GRB2: variants seen among roughly 807,000 people sequenced by gnomAD.
GRB2 encodes the protein growth factor receptor-bound protein 2.
A neutral mutation model predicts 27.4 loss-of-function variants in GRB2; 2 were observed. The ratio of observed to expected loss-of-function variants is 0.07; its 90% CI spans 0.03 to 0.23. GRB2 has a LOEUF of 0.23. GRB2 is among the 10% of genes least tolerant of loss of function. The probability of loss-of-function intolerance (pLI) is 1.00; values close to 1 mark genes in which losing one functional copy is unlikely to be tolerated. For missense variants in GRB2, 102 were observed against 282.4 expected, an observed-to-expected ratio of 0.36 and a Z score of 4.58; for synonymous variants, 94 against 99.6, an observed-to-expected ratio of 0.94 and a Z score of 0.33.
chr17:75,341,488 G>C (rs927121825), intron 2 of GRB2, among the ~76,000 whole-genome samples: 36 of 149,650 alleles, frequency 2.4e-4, no homozygotes, highest in African/African-American at 8.9e-4. Context: ...AAAAACAAAG[G>C]GTATTTGTTA....
At chr17:75,372,052 A>T (rs1041889490) in intron 2 of GRB2, 1 of 152,202 alleles carries the variant, frequency 6.6e-6, no homozygotes, top group African/African-American at 2.4e-5. Context: ...AATTCAAAGA[A>T]ATGCTGCCTC....
At chr17:75,365,722 A>G (rs2078814848) in intron 2 of GRB2, among the ~76,000 whole-genome samples, 1 of 152,204 alleles carries the variant, frequency 6.6e-6, no homozygotes, top group Non-Finnish European at 1.5e-5. Flanking sequence ...CCGCCAGTAC[A>G]ATGAGTCATT....
intron 2 of GRB2, among the ~76,000 whole-genome samples, chr17:75,337,153 T>C (rs1277089712): frequency 1.3e-5 from 2 of 152,078 alleles, no homozygotes; most frequent in Non-Finnish European, 1.5e-5. Flanking sequence ...CCTCTAAACC[T>C]CTTCACTCTA....
chr17:75,363,177 C>G (rs1164088437), intron 2 of GRB2, among the ~76,000 whole-genome samples: 1 of 152,154 alleles, frequency 6.6e-6, no homozygotes, highest in East Asian at 1.9e-4. Context: ...CTCCTGGTTT[C>G]TAATTTTAAG....
In GRB2 at chr17:75,321,629, A is replaced by T. The variant is rs1417019153; in HGVS notation, c.468+30T>A. 1.9e-6 allele frequency: 3 copies of T among 1,606,548 alleles called. No homozygotes were observed. The African/African-American group carries it at 4.0e-5, about 21-fold the overall frequency. Reference sequence around the variant, plus strand: ...ACTGAGGAGCTATTCTTAACTAAAAATGATCCCATCTCACCCTGATGAGGC... The same window carrying T: ...ACTGAGGAGCTATTCTTAACTAAAATTGATCCCATCTCACCCTGATGAGGC... On this transcript the variant is annotated intron_variant, in intron 5 of 5. Transcript: ENST00000316804.
chr17:75,350,133 C>T (rs1567863670), intron 2 of GRB2, among the ~76,000 whole-genome samples: 2 of 151,042 alleles, frequency 1.3e-5, no homozygotes, highest in African/African-American at 4.9e-5. Flanking sequence ...GGGAAAGATC[C>T]CTTAAGCCCA....
Position 75,363,859 on chromosome 17 carries a change from C to CAAAAAAAAA in GRB2, c.78+29683_78+29691dup, listed in dbSNP as rs55746272. 8.7e-4 allele frequency among the ~76,000 whole-genome samples: 51 copies of CAAAAAAAAA among 58,528 alleles called. 2 individuals carry two copies. Among genetic ancestry groups the CAAAAAAAAA allele is most frequent in the African/African-American group, 1.4e-3 (20 of 14,608 alleles). The allele number at this position is 58,528 out of a possible 152,430, so 38.4% of individuals were successfully genotyped here. A position where few individuals can be genotyped will look rare whatever the true frequency, so the allele number is the denominator to read the frequency against. On this transcript the variant is annotated intron_variant, in intron 2 of 5. Coordinates refer to ENST00000316804, the MANE Select transcript of GRB2 (RefSeq NM_002086.5). Reference sequence around the variant, plus strand: ...TGGGCGACAGAGCAAGACTCCGTCTCAAAAAAAAAAAAAAAAAAAAAAAAA... The same window carrying CAAAAAAAAA: ...TGGGCGACAGAGCAAGACTCCGTCTCAAAAAAAAAAAAAAAAAAAAAAAAAAAAAAAAAA...
intron 1 of GRB2, 195 bp from the exon 2 acceptor site, chr17:75,393,960 C>A: frequency 2.4e-6 from 1 of 414,126 alleles, no homozygotes; most frequent in Non-Finnish European, 4.4e-6. Context: ...GACTGACAGG[C>A]CTGCCGGCCA....
intron 2 of GRB2, among the ~76,000 whole-genome samples, chr17:75,350,905 G>C (rs1425776612): frequency 6.6e-6 from 1 of 152,186 alleles, no homozygotes; most frequent in Admixed American, 6.6e-5. Flanking sequence ...GCAGAGGAAT[G>C]CGCAGGTGCA....
At chr17:75,345,802 G>C (rs1178364750) in intron 2 of GRB2, among the ~76,000 whole-genome samples, 1 of 151,948 alleles carries the variant, frequency 6.6e-6, no homozygotes, top group Non-Finnish European at 1.5e-5. Flanking sequence ...ACAGGGTCAG[G>C]GAGCAGAAAA....
chr17:75,404,978 C>G (rs1006562421), intron 1 of GRB2: 1 of 151,010 alleles, frequency 6.6e-6, no homozygotes, highest in African/African-American at 2.4e-5. Context: ...TTTTAAGTGT[C>G]AGAATAAAGG....
chr17:75,341,438 T>G lies in GRB2; in HGVS notation c.79-8641A>C, dbSNP rs118181806. ...TTGCACTCTAGCCTGGGTGACAGAGTGACTCCATTAAAAAAAAAAAAAAAA... is the reference window on the plus strand; with the variant it reads ...TTGCACTCTAGCCTGGGTGACAGAGGGACTCCATTAAAAAAAAAAAAAAAA... On this transcript the variant is annotated intron_variant, in intron 2 of 5. Coordinates refer to ENST00000316804, the MANE Select transcript of GRB2 (RefSeq NM_002086.5). Among the ~76,000 whole-genome samples, 230 of 97,490 alleles carry G rather than the reference T, an allele frequency of 2.4e-3. 7 individuals are homozygous for G. In the East Asian group the frequency reaches 0.057, roughly 24 times the overall value. The allele number at this position is 97,490 out of a possible 152,430, so 64.0% of individuals were successfully genotyped here.
In GRB2 at chr17:75,403,075, C is replaced by CAAAAAA. The variant is rs59384819; in HGVS notation, c.-138+2408_-138+2413dup. Among the ~76,000 whole-genome samples, 17 of 43,182 alleles carry CAAAAAA rather than the reference C, an allele frequency of 3.9e-4. 1 individual carries two copies. Among genetic ancestry groups the CAAAAAA allele is most frequent in the African/African-American group, 8.7e-4 (10 of 11,492 alleles). The allele number at this position is 43,182 out of a possible 152,430, so 28.3% of individuals were successfully genotyped here. On this transcript the variant is annotated intron_variant, in intron 1 of 5. Transcript: ENST00000316804. ...GGGCAACAAGAGCGAGAATCTGTCT[C>CAAAAAA]AAAAAAAAAAAAAAAGGAAAAAGAA...
intron 2 of GRB2, among the ~76,000 whole-genome samples, chr17:75,336,125 G>C (rs2078575411): frequency 6.6e-6 from 1 of 152,104 alleles, no homozygotes; most frequent in South Asian, 2.1e-4. Flanking sequence ...CAAAAATAAG[G>C]TCTAGAAGGA....
intron 2 of GRB2, among the ~76,000 whole-genome samples, chr17:75,361,384 T>C (rs1313294993): frequency 1.3e-5 from 2 of 151,926 alleles, no homozygotes; most frequent in Non-Finnish European, 2.9e-5. Flanking sequence ...GACAGAAAAA[T>C]AGGACAAGAT....
chr17:75,328,588 G>C (rs2078516472), intron 3 of GRB2, among the ~76,000 whole-genome samples: 1 of 152,002 alleles, frequency 6.6e-6, no homozygotes, highest in Non-Finnish European at 1.5e-5. Context: ...GTTGCGGTGA[G>C]CCGAGATCGT....
At chr17:75,326,129 C>A (rs906553737) in intron 3 of GRB2, 109 bp from the exon 4 acceptor site, 12 of 1,260,050 alleles carry the variant, frequency 9.5e-6, no homozygotes, top group Non-Finnish European at 1.4e-5. Flanking sequence ...GAAGGGGCCT[C>A]CCTCCTCATC....
intron 2 of GRB2, among the ~76,000 whole-genome samples, chr17:75,347,042 T>C (rs1363076685): frequency 6.6e-6 from 1 of 152,152 alleles, no homozygotes; most frequent in East Asian, 1.9e-4. Context: ...GGACTCTCAA[T>C]TGAAAGTAAG....
chr17:75,339,029 T>C (rs2078601267), intron 2 of GRB2: 1 of 1,265,820 alleles, frequency 7.9e-7, no homozygotes, highest in Non-Finnish European at 1.2e-6. Context: ...AAGACTGTGC[T>C]AAGGCTTGAG....
Sources: allele counts gnomAD v4.1 joint callset (sites outside exome capture counted in the v4.1 genomes callset), GRCh38; gene constraint gnomAD v4.1.1; transcripts MANE v1.5; gene names NCBI Gene and HGNC (gene_info 2026-07-23, HGNC 2026-07-21).